CIMAP1C: variants seen among roughly 807,000 people sequenced by gnomAD.
CIMAP1C encodes ciliary microtubule associated protein 1C.
the CIMAP1C span, chr15:75,724,291 C>A: frequency 1.2e-6 from 2 of 1,613,624 alleles, no homozygotes; most frequent in Non-Finnish European, 1.7e-6. Context: ...GTCAAGCAGA[C>A]CCCTGTCATC....
chr15:75,727,100 A>T, the CIMAP1C span: 8 of 1,613,836 alleles, frequency 5.0e-6, no homozygotes, highest in Non-Finnish European at 6.8e-6. Context: ...CTACTTTGAG[A>T]AGATCCACCC....
At chr15:75,724,835 G>A in the CIMAP1C span, among the ~76,000 whole-genome samples, 12 of 152,310 alleles carry the variant, frequency 7.9e-5, no homozygotes, top group Admixed American at 2.0e-4. Flanking sequence ...AATCCACGTC[G>A]GATGCCTAGT....
the CIMAP1C span, chr15:75,724,422 G>C: frequency 1.3e-6 from 1 of 774,686 alleles, no homozygotes; most frequent in East Asian, 2.5e-5. Flanking sequence ...AAGCCTTACA[G>C]AAGACCTGAG....
chr15:75,726,910 G>A, the CIMAP1C span: 25 of 1,021,878 alleles, frequency 2.4e-5, no homozygotes, highest in Non-Finnish European at 3.4e-5. Context: ...CACCGCGTCC[G>A]GCCTAAGTGA....
chr15:75,724,303 T>C, the CIMAP1C span: 4 of 1,612,850 alleles, frequency 2.5e-6, no homozygotes, highest in Admixed American at 5.0e-5. Flanking sequence ...CCTGTCATCA[T>C]GGCCAAGATC....
chr15:75,726,912 C>A, the CIMAP1C span: 60 of 1,049,828 alleles, frequency 5.7e-5, no homozygotes, highest in Non-Finnish European at 7.9e-5. Flanking sequence ...CCGCGTCCGG[C>A]CTAAGTGACC....
At chr15:75,724,988 G>A in the CIMAP1C span, 1 of 653,410 alleles carries the variant, frequency 1.5e-6, no homozygotes, top group African/African-American at 1.8e-5. Context: ...CTGGGCTCGT[G>A]GCAGTGCGAT....
the CIMAP1C span, chr15:75,727,601 G>A: frequency 6.7e-7 from 1 of 1,494,730 alleles, no homozygotes; most frequent in Admixed American, 2.2e-5. Flanking sequence ...ACACCAAATT[G>A]AGCAATTTGA....
At chr15:75,725,242 C>A in the CIMAP1C span, 1 of 1,497,764 alleles carries the variant, frequency 6.7e-7, no homozygotes, top group South Asian at 1.1e-5. Context: ...CCCCAGTCAT[C>A]CGGCTGGGGT....
the CIMAP1C span, chr15:75,724,208 G>A: frequency 6.2e-7 from 1 of 1,613,458 alleles, no homozygotes; most frequent in South Asian, 1.1e-5. Context: ...CCATGAAACT[G>A]CCCAAGGGGA....
chr15:75,724,205 A>G, the CIMAP1C span: 25 of 1,613,180 alleles, frequency 1.5e-5, no homozygotes, highest in South Asian at 2.3e-4. Flanking sequence ...CAGCCATGAA[A>G]CTGCCCAAGG....
chr15:75,727,546 C>T, the CIMAP1C span: 1 of 1,561,384 alleles, frequency 6.4e-7, no homozygotes, highest in East Asian at 2.3e-5. Flanking sequence ...ACTGAGGCCC[C>T]TCTTGGGGCA....
At chr15:75,724,149 T>G in the CIMAP1C span, 10 of 1,228,904 alleles carry the variant, frequency 8.1e-6, no homozygotes, top group Non-Finnish European at 1.1e-5. Context: ...GCCCCTTGAC[T>G]GCTGTTTAGA....
chr15:75,725,547 A>G, the CIMAP1C span, among the ~76,000 whole-genome samples: 1 of 152,172 alleles, frequency 6.6e-6, no homozygotes, highest in Admixed American at 6.5e-5. Context: ...AGGAACAGCT[A>G]GGAGGCCAGT....
At chr15:75,726,922 C>T in the CIMAP1C span, 2 of 1,150,026 alleles carry the variant, frequency 1.7e-6, no homozygotes, top group Non-Finnish European at 1.2e-6. Context: ...CCTAAGTGAC[C>T]ATTTGGATGT....
At chr15:75,724,445 C>A in the CIMAP1C span, 1 of 696,742 alleles carries the variant, frequency 1.4e-6, no homozygotes, top group East Asian at 2.5e-5. Context: ...TCCAAGCTGA[C>A]CCTCACAGGC....
At chr15:75,725,144 C>T in the CIMAP1C span, 127 of 1,613,980 alleles carry the variant, frequency 7.9e-5, no homozygotes, top group South Asian at 7.9e-4. Context: ...CCATCCTGCA[C>T]GGGCTACATA....
chr15:75,724,598 A>C, the CIMAP1C span, among the ~76,000 whole-genome samples: 7 of 152,190 alleles, frequency 4.6e-5, no homozygotes, highest in African/African-American at 1.4e-4. Flanking sequence ...CTCTCAAGGG[A>C]CAGCAGACGC....
At chr15:75,726,889 C>A in the CIMAP1C span, among the ~76,000 whole-genome samples, 1 of 152,144 alleles carries the variant, frequency 6.6e-6, no homozygotes, top group Non-Finnish European at 1.5e-5. Flanking sequence ...GCTGGGATTG[C>A]AGGTGTGAGC....
Sources: allele counts gnomAD v4.1 joint callset (sites outside exome capture counted in the v4.1 genomes callset), GRCh38; gene constraint gnomAD v4.1.1; transcripts MANE v1.5; gene names NCBI Gene and HGNC (gene_info 2026-07-23, HGNC 2026-07-21).